Variants in CABYR observed in about 807,000 individuals in gnomAD.
The protein encoded by CABYR is calcium binding tyrosine phosphorylation regulated, also known as calcium-binding tyrosine phosphorylation-regulated protein.
CABYR carries 31 observed loss-of-function variants against 36.1 expected under a neutral mutation model. The observed-to-expected ratio is 0.86, with a 90% CI of 0.64 to 1.16. The LOEUF is 1.16. Ranked by LOEUF, CABYR falls within the 50% of genes most tolerant of loss-of-function variation. CABYR has a pLI of 0.00. For synonymous variants in CABYR, 146 were observed against 160.7 expected (o/e 0.91, Z 0.69); for missense variants, 429 against 455.8 (o/e 0.94, Z 0.53).
chr18:24,156,394 A>G, intron 4 of CABYR: 7 of 1,614,190 alleles, frequency 4.3e-6, no homozygotes, highest in Non-Finnish European at 5.9e-6. Context: ...TCTGTCTATA[A>G]CGATGTGCCT....
In CABYR at chr18:24,161,517, T is replaced by G. The variant is rs768702863; in HGVS notation, c.*1T>G. 2 of 780,672 alleles carry G rather than the reference T, an allele frequency of 2.6e-6. No homozygotes were observed. The highest frequency in any genetic ancestry group is 3.4e-5 in the African/African-American group (2 of 59,256). The allele number at this position is 780,672 out of a possible 1,614,324, so 48.4% of individuals were successfully genotyped here. ...CAATGTTTGCATTATTCCTAACAGA[T>G]CCAGAAATGACGCTGTCTGGGTCAA... On this transcript the variant is annotated splice_region_variant and 3_prime_UTR_variant, in exon 6 of 6. Coordinates refer to ENST00000399496, the MANE Select transcript of CABYR (RefSeq NM_153769.3).
At chr18:24,144,109 G>A (rs552344130) in intron 3 of CABYR, among the ~76,000 whole-genome samples, 11 of 152,166 alleles carry the variant, frequency 7.2e-5, no homozygotes, top group African/African-American at 2.6e-4. Context: ...TCTTGGCTAG[G>A]CTGGTCTCGA....
intron 1 of CABYR, chr18:24,140,273 T>TA (rs1312295570): frequency 6.6e-6 from 1 of 152,086 alleles, no homozygotes; most frequent in Non-Finnish European, 1.5e-5. Flanking sequence ...TTTGGGTACT[T>TA]AAAGAAAATT....
chr18:24,150,718 G>A (rs1448741471), intron 3 of CABYR: 2 of 255,800 alleles, frequency 7.8e-6, no homozygotes, highest in Non-Finnish European at 1.2e-5. Flanking sequence ...ACATATTCCT[G>A]ACTTTAAGCA....
At position 24,159,705 on chromosome 18, in the gene CABYR, C is replaced by A; in HGVS notation, c.775C>A (p.Pro259Thr). The change falls in exon 5 of 6, where the codon CCT becomes ACT. Residue 259 changes from proline (P) to threonine (T), a missense_variant. Transcript: ENST00000399496. ...MGDTKKTSAPPFILVGSNVQE... is the reference protein window; with the variant it reads ...MGDTKKTSAPTFILVGSNVQE... ...CGACACCAAGAAGACCAGTGCCCCA[C>A]CTTTTATCTTAGTAGGCTCAAATGT... 1.2e-6 allele frequency: 2 copies of A among 1,614,062 alleles called. No homozygotes were observed. The highest frequency in any genetic ancestry group is 1.1e-5 in the South Asian group (1 of 91,058).
At chr18:24,146,855 A>G (rs141006406) in intron 3 of CABYR, among the ~76,000 whole-genome samples, 3 of 152,364 alleles carry the variant, frequency 2.0e-5, no homozygotes, top group South Asian at 2.1e-4. Flanking sequence ...ATGGAATGAC[A>G]TAAAGTGACC....
At chr18:24,154,991 C>T (rs2085738725) in intron 3 of CABYR, among the ~76,000 whole-genome samples, 2 of 152,116 alleles carry the variant, frequency 1.3e-5, no homozygotes, top group Admixed American at 1.3e-4. Context: ...GAATATGTGA[C>T]TTTCTTAAAG....
chr18:24,145,074 T>C (rs949889547), intron 3 of CABYR, among the ~76,000 whole-genome samples: 1 of 152,252 alleles, frequency 6.6e-6, no homozygotes, highest in African/African-American at 2.4e-5. Flanking sequence ...AATGTGAAAT[T>C]TCAAATCATT....
chr18:24,149,014 C>T (rs551510425), intron 3 of CABYR, among the ~76,000 whole-genome samples: 2 of 152,078 alleles, frequency 1.3e-5, no homozygotes, highest in South Asian at 2.1e-4. Flanking sequence ...ATTGGTAGAG[C>T]GGAGTAGTCT....
rs150563017 is a variant in CABYR, at chr18:24,156,829, A to G, written c.541+787A>G. 3.1e-5 allele frequency: 50 copies of G among 1,614,058 alleles called. No homozygotes were observed. Among genetic ancestry groups the G allele is most frequent in the Non-Finnish European group, 3.3e-5 (39 of 1,180,036 alleles). On this transcript the variant is annotated intron_variant, in intron 4 of 5. Transcript: ENST00000399496. Reference sequence around the variant, plus strand: ...GAGTCTGGGGAAAACTCTGTACCCCAGGAGATGGAAGGCAAACCTGTGCTC... The same window carrying G: ...GAGTCTGGGGAAAACTCTGTACCCCGGGAGATGGAAGGCAAACCTGTGCTC...
chr18:24,150,270 C>T (rs192872249), intron 3 of CABYR, among the ~76,000 whole-genome samples: 4 of 152,300 alleles, frequency 2.6e-5, no homozygotes, highest in East Asian at 1.9e-4. Context: ...AGGGGCATGG[C>T]GTGGGAGAGA....
intron 4 of CABYR, chr18:24,156,792 A>C (rs1166955971): frequency 6.2e-7 from 1 of 1,614,132 alleles, no homozygotes; most frequent in Non-Finnish European, 8.5e-7. Flanking sequence ...CTCTGACAAT[A>C]CTGGGCAGGA....
At chr18:24,154,526 ACAT>A (rs1452695471) in intron 3 of CABYR, among the ~76,000 whole-genome samples, 6 of 152,246 alleles carry the variant, frequency 3.9e-5, no homozygotes, top group Non-Finnish European at 8.8e-5. Flanking sequence ...AATTTATAAA[ACAT>A]CAGCAGCCAA....
intron 3 of CABYR, among the ~76,000 whole-genome samples, chr18:24,149,377 G>A (rs565119983): frequency 6.6e-6 from 1 of 152,168 alleles, no homozygotes; most frequent in African/African-American, 2.4e-5. Flanking sequence ...GCTGATTGGT[G>A]TTTACAAACC....
At chr18:24,152,647 C>T (rs568400435) in intron 3 of CABYR, 37 of 152,182 alleles carry the variant, frequency 2.4e-4, no homozygotes, top group African/African-American at 5.3e-4. Flanking sequence ...ATCTTCTAGA[C>T]GTAATTTCAG....
intron 5 of CABYR, 147 bp downstream of exon 5, chr18:24,160,216 C>CCAA (rs1365134899): frequency 6.3e-6 from 4 of 635,724 alleles, no homozygotes; most frequent in Non-Finnish European, 1.1e-5. Context: ...GTTACTGTCT[C>CCAA]CAACTTCCTA....
chr18:24,151,537 G>C (rs1200014410), intron 3 of CABYR, among the ~76,000 whole-genome samples: 1 of 152,142 alleles, frequency 6.6e-6, no homozygotes, highest in African/African-American at 2.4e-5. Context: ...TAAAACATTA[G>C]AGAAAAGCTT....
intron 1 of CABYR, chr18:24,140,100 T>A (rs1288037481): frequency 6.6e-6 from 1 of 151,852 alleles, no homozygotes; most frequent in Non-Finnish European, 1.5e-5. Context: ...TGATTTTTTG[T>A]TTTAGTAGAG....
Position 24,155,706 on chromosome 18 carries a change from A to G in CABYR, c.205A>G (p.Lys69Glu), listed in dbSNP as rs775219600. 1.9e-6 allele frequency: 3 copies of G among 1,582,184 alleles called. No individual in the cohort carries two copies. Residue 69 changes from lysine to glutamate, a missense_variant, in exon 4 of 6, where the codon AAA becomes GAA. Physicochemically the swap from Lys to Glu is moderately conservative, Grantham distance 56. Coordinates refer to ENST00000399496, the MANE Select transcript of CABYR (RefSeq NM_153769.3). ...ATCTGGTTGTTGTTTTTCAGTAGAG[A>G]AATGGTCAGAAGGAACGACACCACA... ...VKQFHQIKVEKWSEGTTPQKK... is the reference protein window; with the variant it reads ...VKQFHQIKVEEWSEGTTPQKK...
Sources: gnomAD v4.1 joint callset for allele counts (sites outside exome capture counted in the v4.1 genomes callset) on GRCh38, gnomAD v4.1.1 for gene constraint, MANE v1.5 for transcripts, NCBI Gene and HGNC (gene_info 2026-07-23, HGNC 2026-07-21) for gene names.